Variants in KCNQ2 observed in about 807,000 individuals in gnomAD.
KCNQ2 encodes potassium voltage-gated channel subfamily Q member 2.
A neutral mutation model predicts 84.8 loss-of-function variants in KCNQ2; 14 were observed. That is an observed-to-expected ratio of 0.17 (90% CI 0.11 to 0.26). KCNQ2 has a LOEUF of 0.26. Among genes scored for constraint, KCNQ2 ranks in the 10% least tolerant of loss-of-function variants. The pLI is 1.00. For missense variants in KCNQ2, 788 were observed against 1,254.0 expected, an observed-to-expected ratio of 0.63 and a Z score of 5.61; for synonymous variants, 599 against 554.1, an observed-to-expected ratio of 1.08 and a Z score of -1.14.
chr20:63,407,156 C>T lies in KCNQ2; in HGVS notation c.2107G>A (p.Ala703Thr). 1 of 1,591,286 alleles carries T rather than the reference C, an allele frequency of 6.3e-7. No individual in the cohort carries two copies. The highest frequency in any genetic ancestry group is 2.3e-5 in the East Asian group (1 of 43,756). The change falls in exon 17 of 17, where the codon GCG becomes ACG. Residue 703 changes from alanine to threonine, a missense_variant. By Grantham distance (58) the Ala-to-Thr change is moderately conservative (BLOSUM62 0). This residue lies in a region of KCNQ2 where 378 missense variants were observed against 434.5 expected (regional missense o/e 0.87). Transcript: ENST00000359125. This position sits in a 1 kb window ranked among gnomAD's most constrained non-coding sequence, Gnocchi z 7.2. ...SSSTGQKNFS[A>T]PPAAPPVQCP... Reference sequence around the variant, plus strand: ...TGGACAGGGGGCGCGGCCGGGGGCGCCGAGAAGTTCTTCTGGCCCGTGGAG... The same window carrying T: ...TGGACAGGGGGCGCGGCCGGGGGCGTCGAGAAGTTCTTCTGGCCCGTGGAG...
intron 1 of KCNQ2, among the ~76,000 whole-genome samples, chr20:63,455,510 G>A (rs777350708): frequency 1.5e-4 from 23 of 152,142 alleles, no homozygotes; most frequent in African/African-American, 3.1e-4. Flanking sequence ...CAGGCACCCC[G>A]AATGCAGTCA....
chr20:63,416,751 C>G (rs967584587), intron 12 of KCNQ2, among the ~76,000 whole-genome samples: 2 of 152,152 alleles, frequency 1.3e-5, no homozygotes, highest in Non-Finnish European at 2.9e-5. Context: ...GACCCACAGC[C>G]AGAGAGACAC....
Position 63,407,045 on chromosome 20 carries a change from C to A in KCNQ2, c.2218G>T (p.Val740Leu). 6.6e-7 allele frequency: 1 copy of A among 1,519,512 alleles called. No individual in the cohort carries two copies. Among genetic ancestry groups the A allele is most frequent in the South Asian group, 1.2e-5 (1 of 81,580 alleles). The allele number at this position is 1,519,512 out of a possible 1,614,324, so 94.1% of individuals were successfully genotyped here. ...TGGGCAGGCGGCGGCGGGATGCGCACCAGGGAGCCGTGGTCCCCCACGGGG... is the reference window on the plus strand; with the variant it reads ...TGGGCAGGCGGCGGCGGGATGCGCAACAGGGAGCCGTGGTCCCCCACGGGG... ...TSPVGDHGSL[V>L]RIPPPPAHER... Residue 740 changes from valine (V) to leucine (L), a missense_variant, in exon 17 of 17, where the codon GTG becomes TTG. Physicochemically the swap from Val to Leu is conservative, Grantham distance 32 (BLOSUM62 1). Transcript: ENST00000359125. This position sits in a 1 kb window ranked among gnomAD's most constrained non-coding sequence, Gnocchi z 7.2.
At chr20:63,463,124 G>A (rs541258164) in intron 1 of KCNQ2, among the ~76,000 whole-genome samples, 40 of 152,080 alleles carry the variant, frequency 2.6e-4, no homozygotes, top group South Asian at 1.2e-3. Context: ...CTGGAAGAAC[G>A]GGTAAGAAGG....
chr20:63,445,201 C>G (rs1321670469), intron 3 of KCNQ2, 37 bp downstream of exon 3: 3 of 1,613,688 alleles, frequency 1.9e-6, no homozygotes, highest in Non-Finnish European at 2.5e-6. Context: ...GGGTGCCTGG[C>G]CCTGATTCTA....
chr20:63,401,089 G>C lies in KCNQ2; in HGVS notation c.*5555C>G, dbSNP rs539867110. 2.6e-6 allele frequency: 1 copy of C among 387,528 alleles called. No individual in the cohort carries two copies. Among genetic ancestry groups the C allele is most frequent in the South Asian group, 1.4e-4 (1 of 6,934 alleles). 24.0% of individuals were successfully genotyped at this position (387,528 alleles called of 1,614,324 possible). On this transcript the variant is annotated 3_prime_UTR_variant, in exon 17 of 17. Coordinates refer to ENST00000359125, the MANE Select transcript of KCNQ2 (RefSeq NM_172107.4). ...TCAGACGCTGAGGACCTCTCAGGAC[G>C]GGGCCCCTGGCCAGAGCCAGTCTCC...
At chr20:63,450,137 CACTT>C (rs1327618081) in intron 1 of KCNQ2, among the ~76,000 whole-genome samples, 13 of 150,802 alleles carry the variant, frequency 8.6e-5, no homozygotes, top group South Asian at 2.1e-4. Flanking sequence ...CCCCGTCCCT[CACTT>C]ACAGGCCCCT....
At chr20:63,442,645 AACCATCACC>A (rs2081201091) in intron 4 of KCNQ2, 114 bp from the exon 5 acceptor site, 1 of 550,060 alleles carries the variant, frequency 1.8e-6, no homozygotes, top group African/African-American at 5.2e-5. Context: ...CCACCACCAA[AACCATCACC>A]ACCACCATCA....
rs920183345 is a variant in KCNQ2 at position 63,405,986 on chromosome 20, G to A, written c.*658C>T. 4 of 152,342 alleles carry A rather than the reference G, an allele frequency of 2.6e-5. No individual in the cohort carries two copies. The highest frequency in any genetic ancestry group is 4.4e-5 in the Non-Finnish European group (3 of 68,132). The allele number at this position is 152,342 out of a possible 1,614,324, so 9.4% of individuals were successfully genotyped here. A position where few individuals can be genotyped will look rare whatever the true frequency, so the allele number is the denominator to read the frequency against. On this transcript the variant is annotated 3_prime_UTR_variant, in exon 17 of 17. Coordinates refer to ENST00000359125, the MANE Select transcript of KCNQ2 (RefSeq NM_172107.4). Reference sequence around the variant, plus strand: ...CACCCGCTCCTCGGCTGCAGGCGAAGGTCTCCACCTCGGGGCTGGCTTCCA... The same window carrying A: ...CACCCGCTCCTCGGCTGCAGGCGAAAGTCTCCACCTCGGGGCTGGCTTCCA...
intron 12 of KCNQ2, 105 bp downstream of exon 12, chr20:63,419,514 T>C: frequency 8.5e-7 from 1 of 1,181,092 alleles, no homozygotes; most frequent in Non-Finnish European, 1.2e-6. Flanking sequence ...AGAATTGGGG[T>C]TGGGGCGCCA....
chr20:63,461,814 G>T (rs999873063), intron 1 of KCNQ2, among the ~76,000 whole-genome samples: 3 of 144,966 alleles, frequency 2.1e-5, no homozygotes, highest in Non-Finnish European at 4.5e-5. Context: ...ACCCCAGGGA[G>T]CAGGGAAGAG....
At chr20:63,429,091 G>A (rs962799576) in intron 9 of KCNQ2, among the ~76,000 whole-genome samples, 3 of 151,450 alleles carry the variant, frequency 2.0e-5, no homozygotes, top group Admixed American at 6.6e-5. Context: ...GACCAAGTCC[G>A]GGCCCGCCGA....
rs760143489 is a variant in KCNQ2, at chr20:63,438,643, C to T, written c.1005G>A (p.Pro335=). 1.1e-5 allele frequency: 18 copies of T among 1,613,624 alleles called. No homozygotes were observed. The highest frequency in any genetic ancestry group is 2.2e-5 in the East Asian group (1 of 44,896). Residue 335 remains proline, a synonymous_variant, in exon 7 of 17, where the codon CCG becomes CCA. Transcript: ENST00000359125. This position sits in a 1 kb window ranked among gnomAD's most constrained non-coding sequence, Gnocchi z 5.1. ...GACTCACCTGGATCAGGCCTGCTGC[C>T]GGGTTCCGCCTCTTCTCAAAGTGCT... The part of the protein sequence containing the change: ...RQKHFEKRRN[P]AAGLIQSAWR...
At chr20:63,458,961 C>G (rs1352277390) in intron 1 of KCNQ2, 1 of 152,296 alleles carries the variant, frequency 6.6e-6, no homozygotes, top group East Asian at 1.9e-4. Context: ...AGGCTTCGTC[C>G]CAAGAGGAAT....
At chr20:63,450,537 G>T in intron 1 of KCNQ2, among the ~76,000 whole-genome samples, 1 of 146,636 alleles carries the variant, frequency 6.8e-6, no homozygotes, top group Non-Finnish European at 1.5e-5. Flanking sequence ...CCTGCTGGGG[G>T]GTGGGGGAAG....
Position 63,414,114 on chromosome 20 carries a change from G to A in KCNQ2, c.1605C>T (p.Gly535=), listed in dbSNP as rs767958822. 49 of 1,613,482 alleles carry A rather than the reference G, an allele frequency of 3.0e-5. No homozygotes were observed. Among genetic ancestry groups the A allele is most frequent in the Non-Finnish European group, 3.9e-5 (46 of 1,179,926 alleles). Reference sequence around the variant, plus strand: ...ACACGGCTCTGATGCTGACTTTGAGGCCCGGGGTCAGGTCCTCGGTCACAA... The same window carrying A: ...ACACGGCTCTGATGCTGACTTTGAGACCCGGGGTCAGGTCCTCGGTCACAA... ...CEFVTEDLTP[G]LKVSIRAVCV... The change falls in exon 14 of 17, where the codon GGC becomes GGT. Residue 535 remains glycine (G), a synonymous_variant. Coordinates refer to ENST00000359125, the MANE Select transcript of KCNQ2 (RefSeq NM_172107.4). This position sits in a 1 kb window ranked among gnomAD's most constrained non-coding sequence, Gnocchi z 6.6.
rs572208287 is a variant in KCNQ2, at chr20:63,406,279, G to A, written c.*365C>T. On this transcript the variant is annotated 3_prime_UTR_variant, in exon 17 of 17. Transcript: ENST00000359125. The stretch of plus-strand genomic sequence containing the variant: ...TGCCCTTTGTGCCTCCCCTGGGCTC[G>A]GCTGAGACAACCCCCCGCCTGTTGC... The A allele has an allele frequency of 1.1e-4, 28 of 253,458 alleles. No homozygotes were observed. The highest frequency in any genetic ancestry group is 3.2e-4 in the South Asian group (5 of 15,692). 15.7% of individuals were successfully genotyped at this position (253,458 alleles called of 1,614,324 possible). A position where few individuals can be genotyped will look rare whatever the true frequency, so the allele number is the denominator to read the frequency against.
At chr20:63,462,454 A>T (rs2081982449) in intron 1 of KCNQ2, among the ~76,000 whole-genome samples, 1 of 152,128 alleles carries the variant, frequency 6.6e-6, no homozygotes, top group African/African-American at 2.4e-5. Flanking sequence ...GGAACAGGGC[A>T]TCTGCCCCCA....
chr20:63,442,689 C>T (rs1600768922), intron 4 of KCNQ2, among the ~76,000 whole-genome samples, 158 bp from the exon 5 acceptor site: 1 of 99,086 alleles, frequency 1.0e-5, no homozygotes, highest in Non-Finnish European at 2.2e-5. Flanking sequence ...ACCACCATCA[C>T]CATCACCACC....
Sources: gnomAD v4.1 joint callset for allele counts (sites outside exome capture counted in the v4.1 genomes callset) on GRCh38, gnomAD v4.1.1 for gene constraint, gnomAD v4.1.1 regional missense constraint, Gnocchi (gnomAD v3.1) non-coding constraint, MANE v1.5 for transcripts, NCBI Gene and HGNC (gene_info 2026-07-23, HGNC 2026-07-21) for gene names.